The following CEP43 variants were observed in gnomAD, a reference collection of about 807,000 sequenced individuals.
The protein encoded by CEP43 is centrosomal protein 43, also known as FGFR1 oncogene partner.
Under a neutral mutation model 52.6 loss-of-function variants are expected in CEP43, and 36 were observed. The ratio of observed to expected loss-of-function variants is 0.68; its 90% CI spans 0.52 to 0.90. The LOEUF (loss-of-function observed/expected upper bound fraction) is 0.90. CEP43 is among the 40% of genes least tolerant of loss of function. The pLI is 0.00. For synonymous variants in CEP43, 192 were observed against 172.4 expected (o/e 1.11, Z -0.89); for missense variants, 506 against 472.8 (o/e 1.07, Z -0.65).
At chr6:167,003,869 A>G (rs892652740) in intron 4 of CEP43, 58 bp downstream of exon 4, 1 of 1,030,564 alleles carries the variant, frequency 9.7e-7, no homozygotes, top group Admixed American at 2.1e-5. Flanking sequence ...ATGAGTTAAT[A>G]TTAAGCTGAA....
chr6:167,051,456 C>T lies in CEP43; in HGVS notation c.*11478C>T, dbSNP rs1224228691. The T allele has an allele frequency of 6.6e-6, 1 of 152,302 alleles. No homozygotes were observed. Among genetic ancestry groups the T allele is most frequent in the Non-Finnish European group, 1.5e-5 (1 of 68,122 alleles). The allele number at this position is 152,302 out of a possible 1,614,324, so 9.4% of individuals were successfully genotyped here. On this transcript the variant is annotated 3_prime_UTR_variant, in exon 13 of 13. Coordinates refer to ENST00000366847, the MANE Select transcript of CEP43 (RefSeq NM_007045.4). ...CCAAGGGCAATTTGGAGATTAAAGT[C>T]AAGATGGAGTTGGTTAGATCAGATC... is the stretch of plus-strand genomic sequence containing the variant.
intron 4 of CEP43, 88 bp downstream of exon 4, chr6:167,003,899 C>T: frequency 1.2e-6 from 1 of 807,558 alleles, no homozygotes; most frequent in Non-Finnish European, 2.0e-6. Flanking sequence ...AATTTGACAA[C>T]TGATAGTTTT....
rs527361218 is a variant in CEP43 at position 167,030,494 on chromosome 6, T to G, written c.989-2109T>G. Among the ~76,000 whole-genome samples, 3 of 152,342 alleles carry G rather than the reference T, an allele frequency of 2.0e-5. No individual in the cohort carries two copies. In the East Asian group the frequency reaches 5.8e-4, roughly 29 times the overall value. On this transcript the variant is annotated intron_variant, in intron 10 of 12. Transcript: ENST00000366847. ...GCTACAGTGGAGACGAGCTCTTGAT[T>G]CTCAAGAGGAGAGGAAGCTCCTGAC... is the stretch of plus-strand genomic sequence containing the variant.
rs932362436 is a variant in CEP43 at position 167,047,708 on chromosome 6, G to A, written c.*7730G>A. 3 of 152,070 alleles carry A rather than the reference G, an allele frequency of 2.0e-5. No individual in the cohort carries two copies. Among genetic ancestry groups the A allele is most frequent in the East Asian group, 1.9e-4 (1 of 5,192 alleles). 9.4% of individuals were successfully genotyped at this position (152,070 alleles called of 1,614,324 possible). On this transcript the variant is annotated 3_prime_UTR_variant, in exon 13 of 13. Coordinates refer to ENST00000366847, the MANE Select transcript of CEP43 (RefSeq NM_007045.4). ...ATGTCACTTCCTCCTCAAAGCTCTC[G>A]CCCCGCGCCGAGCTACTGTGATGTA...
At chr6:167,036,274 A>T in intron 12 of CEP43, 2 of 985,452 alleles carry the variant, frequency 2.0e-6, no homozygotes, top group Non-Finnish European at 2.4e-6. Context: ...CCATGAGAAC[A>T]GAAGGGAGAT....
At chr6:167,009,961 A>C (rs1779950681) in intron 5 of CEP43, among the ~76,000 whole-genome samples, 1 of 152,246 alleles carries the variant, frequency 6.6e-6, no homozygotes, top group South Asian at 2.1e-4. Context: ...AAGAGAAAAG[A>C]AAAGCTCTCA....
At chr6:167,029,529 T>C (rs2237273) in intron 10 of CEP43, among the ~76,000 whole-genome samples, 63,441 of 151,726 alleles carry the variant, frequency 0.42, 13,424 homozygotes, top group Non-Finnish European at 0.47. Context: ...TTCTGGATTT[T>C]ATTCAAGTTT....
chr6:167,024,877 CTTT>C lies in CEP43; in HGVS notation c.903_905del (p.Leu302del). 1 of 1,602,866 alleles carries C rather than the reference CTTT, an allele frequency of 6.2e-7. No homozygotes were observed. Among genetic ancestry groups the C allele is most frequent in the Non-Finnish European group, 8.5e-7 (1 of 1,171,180 alleles). The stretch of plus-strand genomic sequence containing the variant: ...CTCAGCTCCCTGGCGGGAGCCCCTT[CTTT>C]AAAAGACTCTGAGAGTAAGTGCCCA... On this transcript the variant is annotated inframe_deletion, in exon 9 of 13. Coordinates refer to ENST00000366847, the MANE Select transcript of CEP43 (RefSeq NM_007045.4).
At chr6:167,004,510 T>A in intron 5 of CEP43, 109 bp downstream of exon 5, 1 of 932,086 alleles carries the variant, frequency 1.1e-6, no homozygotes, top group Non-Finnish European at 1.5e-6. Context: ...CTAGAAGATA[T>A]TCCTTAAAAA....
chr6:167,014,562 T>G (rs928747640), intron 7 of CEP43, among the ~76,000 whole-genome samples: 2 of 152,254 alleles, frequency 1.3e-5, no homozygotes. Context: ...ACTTTGGTTA[T>G]GTATAGATTT....
Position 167,050,670 on chromosome 6 carries a change from A to G in CEP43, c.*10692A>G, listed in dbSNP as rs1047325989. ...TGCGTGCCCGCCTATAGTCCCATCT[A>G]CTTGGGAGGCTGAGGCAGGGGAATT... is the stretch of plus-strand genomic sequence containing the variant. On this transcript the variant is annotated 3_prime_UTR_variant, in exon 13 of 13. Transcript: ENST00000366847. 1 of 151,540 alleles carries G rather than the reference A, an allele frequency of 6.6e-6. No individual in the cohort carries two copies. The highest frequency in any genetic ancestry group is 2.4e-5 in the African/African-American group (1 of 41,148). 9.4% of individuals were successfully genotyped at this position (151,540 alleles called of 1,614,324 possible).
At position 167,048,960 on chromosome 6, in the gene CEP43, C is replaced by T. The variant is rs1780837632; in HGVS notation, c.*8982C>T. The T allele has an allele frequency of 6.6e-6, 1 of 152,164 alleles. No individual in the cohort carries two copies. Among genetic ancestry groups the T allele is most frequent in the African/African-American group, 2.4e-5 (1 of 41,442 alleles). 9.4% of individuals were successfully genotyped at this position (152,164 alleles called of 1,614,324 possible). ...AAAGGGATTGTAAAGACTGATGAAA[C>T]CCTTAAAACCTCTCAAGAATTAAAA... On this transcript the variant is annotated 3_prime_UTR_variant, in exon 13 of 13. Transcript: ENST00000366847.
chr6:167,012,279 C>A (rs758565161), intron 6 of CEP43, among the ~76,000 whole-genome samples: 3 of 152,118 alleles, frequency 2.0e-5, no homozygotes, highest in Non-Finnish European at 4.4e-5. Context: ...TTTTATACTT[C>A]ATTTCTAACC....
At chr6:167,010,530 A>G (rs1779961943) in intron 5 of CEP43, among the ~76,000 whole-genome samples, 1 of 152,210 alleles carries the variant, frequency 6.6e-6, no homozygotes. Flanking sequence ...GAGGAAGTAA[A>G]TCCTGGAATG....
In CEP43 at chr6:167,051,845, A is replaced by G. The variant is rs907682558; in HGVS notation, c.*11867A>G. Reference sequence around the variant, plus strand: ...AGCCTATTTATATCTTTGAATCAAAAGTTTGTCTCCTGTAGATAGCATATA... The same window carrying G: ...AGCCTATTTATATCTTTGAATCAAAGGTTTGTCTCCTGTAGATAGCATATA... On this transcript the variant is annotated 3_prime_UTR_variant, in exon 13 of 13. Transcript: ENST00000366847. 6.6e-6 allele frequency: 1 copy of G among 152,286 alleles called. No homozygotes were observed. Among genetic ancestry groups the G allele is most frequent in the South Asian group, 2.1e-4 (1 of 4,832 alleles). 9.4% of individuals were successfully genotyped at this position (152,286 alleles called of 1,614,324 possible). A position where few individuals can be genotyped will look rare whatever the true frequency, so the allele number is the denominator to read the frequency against.
At chr6:167,034,598 C>T (rs1037872981) in intron 12 of CEP43, among the ~76,000 whole-genome samples, 1 of 152,176 alleles carries the variant, frequency 6.6e-6, no homozygotes. Context: ...GTTGCCATGG[C>T]TGGGTGGGGA....
intron 5 of CEP43, among the ~76,000 whole-genome samples, chr6:167,009,413 G>T (rs1779928921): frequency 6.7e-6 from 1 of 150,264 alleles, no homozygotes; most frequent in South Asian, 2.1e-4. Context: ...GGGAGGGCGA[G>T]GCAGGAGAAT....
At chr6:167,005,598 G>A (rs952402089) in intron 5 of CEP43, among the ~76,000 whole-genome samples, 1 of 152,240 alleles carries the variant, frequency 6.6e-6, no homozygotes, top group East Asian at 1.9e-4. Flanking sequence ...CTGGCTGGGA[G>A]TGAGGCGGCT....
chr6:167,006,113 G>A (rs1391707628), intron 5 of CEP43, among the ~76,000 whole-genome samples: 3 of 152,214 alleles, frequency 2.0e-5, no homozygotes, highest in Admixed American at 6.5e-5. Context: ...CAGGTCTGGA[G>A]GGGGTCTGAG....
Sources: gnomAD v4.1 joint callset for allele counts (sites outside exome capture counted in the v4.1 genomes callset) on GRCh38, gnomAD v4.1.1 for gene constraint, MANE v1.5 for transcripts, NCBI Gene and HGNC (gene_info 2026-07-23, HGNC 2026-07-21) for gene names.